The following TRPM1 variants were observed in gnomAD, a reference collection of about 807,000 sequenced individuals.
TRPM1 encodes the protein TRPM1-203 APA Isoform, Intron 10.
In TRPM1, 113 loss-of-function variants were observed where a neutral mutation model predicts 149.4. That is an observed-to-expected ratio of 0.76 (90% CI 0.65 to 0.88). TRPM1 has a LOEUF of 0.88. Among genes scored for constraint, TRPM1 ranks in the 40% least tolerant of loss-of-function variants. The pLI is 0.00. For synonymous variants in TRPM1, 741 were observed against 759.5 expected (o/e 0.98, Z 0.40); for missense variants, 1,976 against 2,038.7 (o/e 0.97, Z 0.59).
rs2033872562 is a variant in TRPM1 at position 31,049,356 on chromosome 15, CT to C, written c.1572+18del. 9 of 1,614,036 alleles carry C rather than the reference CT, an allele frequency of 5.6e-6. No homozygotes were observed. The highest frequency in any genetic ancestry group is 6.8e-6 in the Non-Finnish European group (8 of 1,180,040). On this transcript the variant is annotated intron_variant, in intron 13 of 27. Coordinates refer to ENST00000256552, the MANE Select transcript of TRPM1 (RefSeq NM_001252024.2). ...AGGTGGCTGCCTCCCGCTTCCTTCC[CT>C]TTTTCTAGAGCACTCACTGTGTTAT... is the stretch of plus-strand genomic sequence containing the variant.
chr15:31,156,392 T>G (rs914408668), intron 1 of TRPM1, among the ~76,000 whole-genome samples: 1 of 151,986 alleles, frequency 6.6e-6, no homozygotes, highest in Non-Finnish European at 1.5e-5. Flanking sequence ...TCTAGCACCT[T>G]TTAAAGACCT....
At chr15:31,068,524 T>A (rs2034444756) in intron 4 of TRPM1, among the ~76,000 whole-genome samples, 1 of 151,790 alleles carries the variant, frequency 6.6e-6, no homozygotes, top group African/African-American at 2.4e-5. Flanking sequence ...GGTGGATCAC[T>A]TGAGGTCAGG....
At chr15:31,104,493 T>C (rs1465355151), upstream of TRPM1, among the ~76,000 whole-genome samples, 5 of 152,146 alleles carry the variant, frequency 3.3e-5, no homozygotes, top group African/African-American at 1.2e-4. Context: ...TGTGTCCTTC[T>C]GTTAGGAGAC....
chr15:31,159,786 C>T (rs1323064566), intron 1 of TRPM1, among the ~76,000 whole-genome samples: 4 of 152,140 alleles, frequency 2.6e-5, no homozygotes, highest in African/African-American at 9.7e-5. Flanking sequence ...GCCTGGTGAG[C>T]TGGGTATGGA....
intron 1 of TRPM1, among the ~76,000 whole-genome samples, chr15:31,116,980 C>G (rs2035807264): frequency 6.6e-6 from 1 of 152,204 alleles, no homozygotes; most frequent in South Asian, 2.1e-4. Flanking sequence ...AGAAAGCAAG[C>G]AAGGGAACTA....
rs2141100587 is a variant in TRPM1, at chr15:31,002,911, G to A, written c.3789C>T (p.Asp1263=). The change falls in exon 28 of 28, where the codon GAC becomes GAT. Residue 1263 remains aspartate, a synonymous_variant. Transcript: ENST00000256552. ...LENLAGIDRS[D]LIQARSRASS... Reference sequence around the variant, plus strand: ...AAGCCCGGGACCGTGCCTGGATCAGGTCAGACCTGTCGATTCCCGCAAGAT... The same window carrying A: ...AAGCCCGGGACCGTGCCTGGATCAGATCAGACCTGTCGATTCCCGCAAGAT... The A allele has an allele frequency of 2.5e-6, 4 of 1,609,188 alleles. No homozygotes were observed. The highest frequency in any genetic ancestry group is 3.4e-6 in the Non-Finnish European group (4 of 1,176,850).
intron 27 of TRPM1, among the ~76,000 whole-genome samples, chr15:31,007,126 A>G (rs560062746): frequency 1.5e-4 from 23 of 152,138 alleles, no homozygotes; most frequent in Non-Finnish European, 3.2e-4. Flanking sequence ...TCTTCCAAAC[A>G]TTTTATAGTT....
At position 31,060,641 on chromosome 15, in the gene TRPM1, G is replaced by C. The variant is rs769772495; in HGVS notation, c.1166C>G (p.Thr389Arg). The change falls in exon 11 of 28, where the codon ACA becomes AGA. Residue 389 changes from threonine to arginine, a missense_variant. Thr to Arg is a moderately conservative substitution (Grantham distance 71, BLOSUM62 -1). Around this residue, in one of 3 missense-constraint regions of TRPM1, gnomAD observed 1,332 missense variants for 1,347.1 expected, o/e 0.99. Coordinates refer to ENST00000256552, the MANE Select transcript of TRPM1 (RefSeq NM_001252024.2). ...CAGCTGATCTGGAGCAGATACGTTT[G>C]TTCCTGGAAAGGCAAGAAACCGGAA... is the stretch of plus-strand genomic sequence containing the variant. ...MAILTALLKG[T>R]NVSAPDQLSL... 6.2e-6 allele frequency: 10 copies of C among 1,613,998 alleles called. No individual in the cohort carries two copies. The highest frequency in any genetic ancestry group is 8.5e-6 in the Non-Finnish European group (10 of 1,179,888).
intron 1 of TRPM1, among the ~76,000 whole-genome samples, chr15:31,127,748 A>C (rs1286045802): frequency 6.6e-6 from 1 of 152,164 alleles, no homozygotes; most frequent in East Asian, 1.9e-4. Flanking sequence ...GAGGGTGAGC[A>C]TCTAGATCTC....
chr15:31,079,828 C>G (rs904320164), intron 2 of TRPM1, among the ~76,000 whole-genome samples: 8 of 152,152 alleles, frequency 5.3e-5, no homozygotes, highest in African/African-American at 1.7e-4. Context: ...TACTGGTTTC[C>G]AAATACCATT....
At chr15:31,088,471 G>T (rs956447140) in intron 1 of TRPM1, among the ~76,000 whole-genome samples, 1 of 152,158 alleles carries the variant, frequency 6.6e-6, no homozygotes, top group Non-Finnish European at 1.5e-5. Context: ...CTTCACTCCT[G>T]AAGTCAGCAA....
intron 1 of TRPM1, among the ~76,000 whole-genome samples, chr15:31,088,814 T>C (rs547760058): frequency 6.8e-6 from 1 of 146,658 alleles, no homozygotes; most frequent in African/African-American, 2.5e-5. Flanking sequence ...GGGGGATGCG[T>C]CAGAGGAGGC....
chr15:31,058,207 CA>C (rs1567023973), intron 11 of TRPM1, among the ~76,000 whole-genome samples: 1 of 151,260 alleles, frequency 6.6e-6, no homozygotes, highest in South Asian at 2.1e-4. Context: ...AGAATAGATA[CA>C]GCAATGACAT....
chr15:31,046,735 T>C lies in TRPM1; in HGVS notation c.1764+376A>G, dbSNP rs112910797. ...CTGTGATAATGAGTTTGGATACGAT[T>C]CTCCAGGCAGTGAGGAGCTCTGGGA... On this transcript the variant is annotated intron_variant, in intron 15 of 27. Transcript: ENST00000256552. Among the ~76,000 whole-genome samples, 1,343 of 152,244 alleles carry C rather than the reference T, an allele frequency of 8.8e-3. 20 individuals are homozygous for C. Among genetic ancestry groups the C allele is most frequent in the African/African-American group, 0.03 (1,264 of 41,518 alleles).
At chr15:31,045,945 G>A (rs943106220) in intron 16 of TRPM1, among the ~76,000 whole-genome samples, 6 of 152,070 alleles carry the variant, frequency 3.9e-5, no homozygotes, top group African/African-American at 7.2e-5. Flanking sequence ...TTTTGCATAC[G>A]TAAGTGGTGT....
chr15:31,049,245 C>T (rs2033867513), intron 13 of TRPM1, 130 bp downstream of exon 13: 13 of 1,357,946 alleles, frequency 9.6e-6, no homozygotes, highest in South Asian at 8.2e-5. Context: ...GAGAAGTAGC[C>T]GCCTGCCATT....
intron 1 of TRPM1, among the ~76,000 whole-genome samples, chr15:31,088,721 C>G (rs528393735): frequency 6.6e-6 from 1 of 151,692 alleles, no homozygotes; most frequent in South Asian, 2.1e-4. Flanking sequence ...ATGAGATTGA[C>G]TGAAGCGGCG....
At chr15:31,084,151 C>G (rs1229027102) in intron 1 of TRPM1, among the ~76,000 whole-genome samples, 1 of 152,180 alleles carries the variant, frequency 6.6e-6, no homozygotes, top group African/African-American at 2.4e-5. Context: ...GGAAACAGAG[C>G]TGGATCTTTA....
intron 9 of TRPM1, among the ~76,000 whole-genome samples, chr15:31,061,787 C>T (rs1049968370): frequency 1.3e-5 from 2 of 151,742 alleles, no homozygotes; most frequent in Non-Finnish European, 2.9e-5. Context: ...CAGGTTCAAG[C>T]GATTCTCCTA....
Sources: gnomAD v4.1 joint callset for allele counts (sites outside exome capture counted in the v4.1 genomes callset) on GRCh38, gnomAD v4.1.1 for gene constraint, gnomAD v4.1.1 regional missense constraint, MANE v1.5 for transcripts, NCBI Gene and HGNC (gene_info 2026-07-23, HGNC 2026-07-21) for gene names.